TMEM132C: variants seen among roughly 807,000 people sequenced by gnomAD.
TMEM132C encodes the protein protein phosphatase 1, regulatory subunit 152.
Under a neutral mutation model 61.4 loss-of-function variants are expected in TMEM132C, and 29 were observed. That is an observed-to-expected ratio of 0.47 (90% CI 0.35 to 0.64). TMEM132C has a LOEUF of 0.64. Among genes scored for constraint, TMEM132C ranks in the 30% least tolerant of loss-of-function variants. The probability of loss-of-function intolerance (pLI) is 0.00; values close to 1 mark genes in which losing one functional copy is unlikely to be tolerated. For missense variants in TMEM132C, 1,408 were observed against 1,476.9 expected, an observed-to-expected ratio of 0.95 and a Z score of 0.76; for synonymous variants, 656 against 633.1, an observed-to-expected ratio of 1.04 and a Z score of -0.54.
Position 128,706,298 on chromosome 12 carries a change from C to T in TMEM132C, c.*3C>T, listed in dbSNP as rs1223715273. On this transcript the variant is annotated 3_prime_UTR_variant, in exon 9 of 9. Transcript: ENST00000435159. ...AGAAACTCAAAGATAAGGCTTAGGCCCCTCTAGCCAAAGGGCCCTGCCCAG... is the reference window on the plus strand; with the variant it reads ...AGAAACTCAAAGATAAGGCTTAGGCTCCTCTAGCCAAAGGGCCCTGCCCAG... 3 of 1,515,086 alleles carry T rather than the reference C, an allele frequency of 2.0e-6. No homozygotes were observed. The highest frequency in any genetic ancestry group is 2.5e-5 in the South Asian group (2 of 78,938). 93.9% of individuals were successfully genotyped at this position (1,515,086 alleles called of 1,614,324 possible). A position where few individuals can be genotyped will look rare whatever the true frequency, so the allele number is the denominator to read the frequency against.
intron 5 of TMEM132C, 142 bp from the exon 6 acceptor site, chr12:128,693,687 C>T (rs1954735860): frequency 1.0e-6 from 1 of 959,842 alleles, no homozygotes; most frequent in Admixed American, 2.4e-5. Flanking sequence ...CTGAGTGCAC[C>T]AAATCCTTGT....
At chr12:128,307,121 G>A (rs1359266100) in intron 1 of TMEM132C, among the ~76,000 whole-genome samples, 2 of 152,060 alleles carry the variant, frequency 1.3e-5, no homozygotes, top group Admixed American at 1.3e-4. Flanking sequence ...GTTTCCCAGG[G>A]TTGGTTCACA....
At chr12:128,675,814 T>C (rs1366066473) in intron 5 of TMEM132C, among the ~76,000 whole-genome samples, 1 of 151,486 alleles carries the variant, frequency 6.6e-6, no homozygotes, top group East Asian at 1.9e-4. Flanking sequence ...ATAGATTAGA[T>C]AGATGGTAGA....
intron 1 of TMEM132C, among the ~76,000 whole-genome samples, chr12:128,275,247 G>A (rs1371157221): frequency 1.3e-5 from 2 of 152,158 alleles, no homozygotes; most frequent in African/African-American, 2.4e-5. Flanking sequence ...ATGGATAAGC[G>A]AGCAATGCTT....
chr12:128,514,290 C>T (rs546813019), intron 2 of TMEM132C, among the ~76,000 whole-genome samples: 84 of 152,326 alleles, frequency 5.5e-4, no homozygotes, highest in African/African-American at 1.7e-3. Context: ...TTAGCAAGCA[C>T]TCAGAGAGCT....
chr12:128,287,333 T>A (rs1200150387), intron 1 of TMEM132C, among the ~76,000 whole-genome samples: 1 of 152,210 alleles, frequency 6.6e-6, no homozygotes, highest in Non-Finnish European at 1.5e-5. Flanking sequence ...GGAAATAATT[T>A]TAGGCTTTCA....
At chr12:128,327,530 C>A (rs983425626) in intron 1 of TMEM132C, among the ~76,000 whole-genome samples, 1 of 151,700 alleles carries the variant, frequency 6.6e-6, no homozygotes, top group African/African-American at 2.4e-5. Flanking sequence ...CTACAGGTGC[C>A]CACCACCATG....
chr12:128,658,937 G>T (rs1191117194), intron 4 of TMEM132C, among the ~76,000 whole-genome samples: 1 of 152,232 alleles, frequency 6.6e-6, no homozygotes, highest in Non-Finnish European at 1.5e-5. Flanking sequence ...AACCACTGAA[G>T]AGGAGAAAGC....
At position 128,693,922 on chromosome 12, in the gene TMEM132C, G is replaced by A. The variant is rs142939493; in HGVS notation, c.1543G>A (p.Ala515Thr). ...VVNFTYQYLS[A>T]PLCVTVWVPR... ...GAACTTCACATACCAGTACCTGAGC[G>A]CCCCCCTGTGTGTCACCGTGTGGGT... Residue 515 changes from alanine to threonine, a missense_variant, in exon 6 of 9, where the codon GCC (alanine) becomes ACC (threonine). Coordinates refer to ENST00000435159, the MANE Select transcript of TMEM132C (RefSeq NM_001136103.3). 218 of 1,551,672 alleles carry A rather than the reference G, an allele frequency of 1.4e-4. No homozygotes were observed. In the African/African-American group the frequency reaches 2.0e-3, roughly 14 times the overall value.
intron 3 of TMEM132C, among the ~76,000 whole-genome samples, chr12:128,575,952 A>G (rs911430721): frequency 3.3e-5 from 5 of 152,196 alleles, no homozygotes; most frequent in African/African-American, 1.2e-4. Context: ...CTTGGGCATC[A>G]TGAATGTCCC....
intron 1 of TMEM132C, among the ~76,000 whole-genome samples, chr12:128,382,833 T>C (rs1228955772): frequency 6.6e-6 from 1 of 152,244 alleles, no homozygotes; most frequent in African/African-American, 2.4e-5. Context: ...TTATGTGGTA[T>C]GTATATCTGA....
At chr12:128,412,257 G>A (rs1868584273) in intron 1 of TMEM132C, among the ~76,000 whole-genome samples, 2 of 152,192 alleles carry the variant, frequency 1.3e-5, no homozygotes, top group East Asian at 3.9e-4. Flanking sequence ...TGATTCCAAA[G>A]GTCAGAACTA....
intron 4 of TMEM132C, among the ~76,000 whole-genome samples, chr12:128,648,145 T>A (rs112678303): frequency 1.1e-4 from 16 of 151,624 alleles, no homozygotes; most frequent in African/African-American, 3.9e-4. Flanking sequence ...TGGATGTGAG[T>A]GTGTTTACCA....
At chr12:128,288,055 C>CTTTTTTTTTTTTTTTTT (rs547550461) in intron 1 of TMEM132C, 1 of 135,182 alleles carries the variant, frequency 7.4e-6, no homozygotes. Flanking sequence ...TCCTCTCTTA[C>CTTTTTTTTTTTTTTTTT]TTTTTTTTTT....
At chr12:128,668,400 G>T (rs953727346) in intron 4 of TMEM132C, among the ~76,000 whole-genome samples, 1 of 152,146 alleles carries the variant, frequency 6.6e-6, no homozygotes, top group African/African-American at 2.4e-5. Flanking sequence ...TCAGGTACAT[G>T]AGCCAATAAA....
intron 3 of TMEM132C, among the ~76,000 whole-genome samples, chr12:128,598,334 G>C (rs1876043749): frequency 6.6e-6 from 1 of 152,146 alleles, no homozygotes; most frequent in Admixed American, 6.5e-5. Flanking sequence ...TACTTGGTAG[G>C]CTGAGGCAGG....
chr12:128,666,322 C>T (rs1226257147), intron 4 of TMEM132C, among the ~76,000 whole-genome samples: 2 of 151,738 alleles, frequency 1.3e-5, no homozygotes, highest in Non-Finnish European at 2.9e-5. Flanking sequence ...CATAAACACG[C>T]AGGCACTCAC....
intron 1 of TMEM132C, among the ~76,000 whole-genome samples, chr12:128,280,553 A>C (rs1315516659): frequency 1.3e-5 from 2 of 152,250 alleles, no homozygotes; most frequent in African/African-American, 4.8e-5. Flanking sequence ...AATCACTAGA[A>C]TAATGGGGAC....
intron 2 of TMEM132C, among the ~76,000 whole-genome samples, chr12:128,536,519 TAAAGTA>T (rs1307722367): frequency 7.9e-6 from 1 of 127,290 alleles, no homozygotes; most frequent in African/African-American, 3.3e-5. Context: ...CCCTAGAACT[TAAAGTA>T]TAATGAAAAA....
Sources: gnomAD v4.1 joint callset for allele counts (sites outside exome capture counted in the v4.1 genomes callset) on GRCh38, gnomAD v4.1.1 for gene constraint, MANE v1.5 for transcripts, NCBI Gene and HGNC (gene_info 2026-07-23, HGNC 2026-07-21) for gene names.